ENPEP: variants seen among roughly 807,000 people sequenced by gnomAD.
The protein encoded by ENPEP is glutamyl aminopeptidase.
Under a neutral mutation model 114.5 loss-of-function variants are expected in ENPEP, and 103 were observed. That is an observed-to-expected ratio of 0.90 (90% confidence interval 0.77 to 1.06). The LOEUF (loss-of-function observed/expected upper bound fraction) is 1.06, where lower values mean the gene tolerates loss of function less well. ENPEP is among the 50% of genes least tolerant of loss of function. The pLI is 0.00. For synonymous variants in ENPEP, 420 were observed against 422.0 expected, an observed-to-expected ratio of 1.00 and a Z score of 0.06; for missense variants, 1,196 against 1,161.3, an observed-to-expected ratio of 1.03 and a Z score of -0.43.
chr4:110,549,360 T>G lies in ENPEP; in HGVS notation c.2166T>G (p.Gly722=). Residue 722 remains glycine, a synonymous_variant, in exon 15 of 20, where the codon GGT becomes GGG. Coordinates refer to ENST00000265162, the MANE Select transcript of ENPEP (RefSeq NM_001977.4). ...TTTTATTTCAGGAATACTTCCAAGGTCAAGTGAAGCCTATTGCAGATTCTC... is the reference window on the plus strand; with the variant it reads ...TTTTATTTCAGGAATACTTCCAAGGGCAAGTGAAGCCTATTGCAGATTCTC... ...LYPMIEEYFQ[G]QVKPIADSLG... The G allele has an allele frequency of 6.2e-7, 1 of 1,612,974 alleles. No homozygotes were observed. The highest frequency in any genetic ancestry group is 8.5e-7 in the Non-Finnish European group (1 of 1,179,242).
At chr4:110,515,939 T>C (rs1185832230) in intron 8 of ENPEP, 6 of 371,406 alleles carry the variant, frequency 1.6e-5, no homozygotes, top group Non-Finnish European at 3.2e-5. Flanking sequence ...ATAAGGATAC[T>C]GGTTCCACCA....
chr4:110,521,627 T>C (rs1725993857), intron 10 of ENPEP, among the ~76,000 whole-genome samples: 1 of 151,964 alleles, frequency 6.6e-6, no homozygotes, highest in Non-Finnish European at 1.5e-5. Context: ...AATAAATGTA[T>C]GAGATGCATT....
chr4:110,543,186 C>T (rs568835775), intron 13 of ENPEP, 116 bp downstream of exon 13: 10 of 993,368 alleles, frequency 1.0e-5, no homozygotes, highest in Non-Finnish European at 1.5e-5. Flanking sequence ...TATCCAAAGC[C>T]ACTATTTAAA....
chr4:110,495,124 A>G (rs1252245748), intron 3 of ENPEP, among the ~76,000 whole-genome samples: 1 of 152,218 alleles, frequency 6.6e-6, no homozygotes, highest in African/African-American at 2.4e-5. Context: ...CATGTCATGA[A>G]CATGAGAGTT....
At chr4:110,482,535 G>A (rs1480483370) in intron 1 of ENPEP, among the ~76,000 whole-genome samples, 5 of 152,132 alleles carry the variant, frequency 3.3e-5, no homozygotes, top group African/African-American at 4.8e-5. Context: ...TGGAAACATC[G>A]GTGAGATAAT....
chr4:110,534,012 T>C (rs905218800), intron 11 of ENPEP, among the ~76,000 whole-genome samples: 2 of 152,240 alleles, frequency 1.3e-5, no homozygotes, highest in Non-Finnish European at 2.9e-5. Flanking sequence ...CTTTTTCTAC[T>C]TCAAAGTGTC....
Position 110,553,424 on chromosome 4 carries a change from A to C in ENPEP, c.2611A>C (p.Ile871Leu), listed in dbSNP as rs1259580652. ...SYGKNMAWNWIQLNWDYLVNR... is the reference protein window; with the variant it reads ...SYGKNMAWNWLQLNWDYLVNR... ...TGGGAAGAACATGGCCTGGAATTGG[A>C]TACAACTCAACTGGGACTATCTAGT... Residue 871 changes from isoleucine to leucine, a missense_variant, in exon 18 of 20, where the codon ATA becomes CTA. By Grantham distance (5) the Ile-to-Leu change is conservative. Coordinates refer to ENST00000265162, the MANE Select transcript of ENPEP (RefSeq NM_001977.4). 6.2e-7 allele frequency: 1 copy of C among 1,610,938 alleles called. No individual in the cohort carries two copies. Among genetic ancestry groups the C allele is most frequent in the East Asian group, 2.2e-5 (1 of 44,818 alleles).
chr4:110,542,012 T>A (rs1322929666), intron 11 of ENPEP, among the ~76,000 whole-genome samples: 1 of 152,142 alleles, frequency 6.6e-6, no homozygotes, highest in Non-Finnish European at 1.5e-5. Context: ...CTCACATATA[T>A]ATGGATGTTG....
rs115581825 is a variant in ENPEP at position 110,487,958 on chromosome 4, T to A, written c.645-583T>A. 6.5e-3 allele frequency among the ~76,000 whole-genome samples: 995 copies of A among 152,314 alleles called. 7 individuals are homozygous for A. Among genetic ancestry groups the A allele is most frequent in the African/African-American group, 0.023 (955 of 41,574 alleles). ...GCTTTAAACTAGGACAAAGGTTACT[T>A]CACCTAGGAGATTACTCAGCACTGC... is the stretch of plus-strand genomic sequence containing the variant. On this transcript the variant is annotated intron_variant, in intron 1 of 19. Transcript: ENST00000265162.
chr4:110,561,286 C>G (rs913338019), intron 19 of ENPEP, 120 bp from the exon 20 acceptor site: 1 of 989,860 alleles, frequency 1.0e-6, no homozygotes, highest in Non-Finnish European at 1.5e-6. Context: ...TGTAGCTCAA[C>G]GTTGTGCAGT....
Position 110,476,524 on chromosome 4 carries a change from TG to T in ENPEP, c.113del (p.Gly38AlafsTer2), listed in dbSNP as rs1402226019. ...VGVGLIVGLA[V>X]GLTRSCDSSG... ...GTAGGATTAATAGTGGGACTTGCCG[TG>T]GGCTTGACCAGATCGTGTGACTCCA... On this transcript the variant is annotated frameshift_variant, in exon 1 of 20. Transcript: ENST00000265162. LOFTEE classifies it high-confidence loss of function. 6.2e-7 allele frequency: 1 copy of T among 1,604,680 alleles called. No individual in the cohort carries two copies. The highest frequency in any genetic ancestry group is 1.7e-5 in the Admixed American group (1 of 59,650).
chr4:110,515,630 T>G (rs2110359065), intron 8 of ENPEP, 188 bp downstream of exon 8: 1 of 626,264 alleles, frequency 1.6e-6, no homozygotes, highest in Middle Eastern at 4.4e-4. Flanking sequence ...TCTGTAATGA[T>G]CATTTAGCAG....
rs531348300 is a variant in ENPEP at position 110,503,208 on chromosome 4, T to A, written c.919-3429T>A. Among the ~76,000 whole-genome samples the A allele has an allele frequency of 6.6e-5, 10 of 152,334 alleles. 1 individual carries two copies. The South Asian group carries it at 2.1e-3, about 32-fold the overall frequency. ...CTGAGAATGATGGTTTCCAGCTTCA[T>A]CCATGTCCCTACAAAGGACATGAAC... On this transcript the variant is annotated intron_variant, in intron 3 of 19. Coordinates refer to ENST00000265162, the MANE Select transcript of ENPEP (RefSeq NM_001977.4).
At chr4:110,503,865 G>C (rs570086593) in intron 3 of ENPEP, among the ~76,000 whole-genome samples, 32 of 152,296 alleles carry the variant, frequency 2.1e-4, no homozygotes, top group Middle Eastern at 3.4e-3. Context: ...GCTGAAGTTT[G>C]GGCTATGATC....
rs183807725 is a variant in ENPEP, at chr4:110,556,373, T to C, written c.2642+2918T>C. Among the ~76,000 whole-genome samples the C allele has an allele frequency of 1.3e-4, 20 of 152,198 alleles. No homozygotes were observed. In the East Asian group the frequency reaches 3.9e-3, roughly 29 times the overall value. On this transcript the variant is annotated intron_variant, in intron 18 of 19. Coordinates refer to ENST00000265162, the MANE Select transcript of ENPEP (RefSeq NM_001977.4). ...AAATGGAAACATATTATAAATATGG[T>C]TTATAACTTGCTTTTTTTCCTCATC... is the stretch of plus-strand genomic sequence containing the variant.
At chr4:110,549,483 G>C in intron 15 of ENPEP, 45 bp from the exon 16 acceptor site, 1 of 1,612,478 alleles carries the variant, frequency 6.2e-7, no homozygotes, top group East Asian at 2.2e-5. Context: ...AAGACTTGTT[G>C]AAAAGTGCTT....
At chr4:110,552,646 T>A (rs893670175) in intron 17 of ENPEP, among the ~76,000 whole-genome samples, 15 of 152,162 alleles carry the variant, frequency 9.9e-5, no homozygotes, top group African/African-American at 3.6e-4. Context: ...AAATGTGTGC[T>A]GACCTTTTTT....
rs113283737 is a variant in ENPEP, at chr4:110,535,330, T to G, written c.1807+4053T>G. Among the ~76,000 whole-genome samples, 676 of 152,264 alleles carry G rather than the reference T, an allele frequency of 4.4e-3. 4 individuals carry two copies. Among genetic ancestry groups the G allele is most frequent in the African/African-American group, 0.015 (644 of 41,554 alleles). On this transcript the variant is annotated intron_variant, in intron 11 of 19. Coordinates refer to ENST00000265162, the MANE Select transcript of ENPEP (RefSeq NM_001977.4). ...TCCAGTCAGTTTCTATAGAAATAGA[T>G]TTACTAAACATCTGTGATAATTATA... is the stretch of plus-strand genomic sequence containing the variant.
At chr4:110,550,977 G>T (rs540957612) in intron 17 of ENPEP, among the ~76,000 whole-genome samples, 4 of 151,796 alleles carry the variant, frequency 2.6e-5, no homozygotes, top group Non-Finnish European at 5.9e-5. Flanking sequence ...ATCTTGGCTG[G>T]GCACAGTGGC....
Sources: allele counts gnomAD v4.1 joint callset (sites outside exome capture counted in the v4.1 genomes callset), GRCh38; gene constraint gnomAD v4.1.1; transcripts MANE v1.5; gene names NCBI Gene and HGNC (gene_info 2026-07-23, HGNC 2026-07-21).